Variants in IGSF3 observed in about 807,000 individuals in gnomAD.
IGSF3 encodes the protein glu-Trp-Ile EWI motif-containing protein 3.
A neutral mutation model predicts 114.4 loss-of-function variants in IGSF3; 23 were observed. That is an observed-to-expected ratio of 0.20 (90% confidence interval 0.14 to 0.28). The LOEUF is 0.28. Ranked by LOEUF, IGSF3 falls within the 10% of genes least tolerant of loss-of-function variation. The probability of loss-of-function intolerance (pLI) is 1.00; values close to 1 mark genes in which losing one functional copy is unlikely to be tolerated. For missense variants in IGSF3, 1,172 were observed against 1,591.5 expected (o/e 0.74, Z 4.48); for synonymous variants, 571 against 645.2 (o/e 0.88, Z 1.74).
Position 116,649,662 on chromosome 1 carries a change from T to C in IGSF3, c.43+16622A>G, listed in dbSNP as rs1024149186. Among the ~76,000 whole-genome samples, 8 of 152,174 alleles carry C rather than the reference T, an allele frequency of 5.3e-5. No individual in the cohort carries two copies. The highest frequency in any genetic ancestry group is 1.9e-4 in the African/African-American group (8 of 41,446). On this transcript the variant is annotated intron_variant, in intron 2 of 10. Coordinates refer to ENST00000369486, the MANE Select transcript of IGSF3 (RefSeq NM_001007237.3). This position sits in a 1 kb window ranked among gnomAD's most constrained non-coding sequence, Gnocchi z 4.5. ...TGTGAGTTATTCCAGTAGCTTGAACTTGTCACTGGCCTTTTACTTTCTTCC... is the reference window on the plus strand; with the variant it reads ...TGTGAGTTATTCCAGTAGCTTGAACCTGTCACTGGCCTTTTACTTTCTTCC...
rs1342622431 is a variant in IGSF3, at chr1:116,664,121, A to G, written c.43+2163T>C. On this transcript the variant is annotated intron_variant, in intron 2 of 10. Coordinates refer to ENST00000369486, the MANE Select transcript of IGSF3 (RefSeq NM_001007237.3). The surrounding 1 kb of genome is among the most constrained non-coding windows in gnomAD (Gnocchi z 4.6). Reference sequence around the variant, plus strand: ...CCATACTGAGAGCCATCAGGTGAAGAGAAAGATGAGGTTCCACCAGTGGGG... The same window carrying G: ...CCATACTGAGAGCCATCAGGTGAAGGGAAAGATGAGGTTCCACCAGTGGGG... 1.3e-5 allele frequency among the ~76,000 whole-genome samples: 2 copies of G among 152,208 alleles called. No individual in the cohort carries two copies. Among genetic ancestry groups the G allele is most frequent in the Non-Finnish European group, 1.5e-5 (1 of 68,032 alleles).
Position 116,644,434 on chromosome 1 carries a change from T to G in IGSF3, c.43+21850A>C, listed in dbSNP as rs1298976031. ...CAGCCTCTGGCAGCCGTGATGATGCTGAGGCAGTGTCCCCACTGCCCCAGT... is the reference window on the plus strand; with the variant it reads ...CAGCCTCTGGCAGCCGTGATGATGCGGAGGCAGTGTCCCCACTGCCCCAGT... On this transcript the variant is annotated intron_variant, in intron 2 of 10. Transcript: ENST00000369486. The surrounding 1 kb of genome is among the most constrained non-coding windows in gnomAD (Gnocchi z 5.6). Among the ~76,000 whole-genome samples the G allele has an allele frequency of 6.6e-6, 1 of 152,234 alleles. No individual in the cohort carries two copies. The highest frequency in any genetic ancestry group is 1.5e-5 in the Non-Finnish European group (1 of 68,038).
intron 2 of IGSF3, among the ~76,000 whole-genome samples, chr1:116,626,132 T>C (rs1296144015): frequency 6.6e-6 from 1 of 152,218 alleles, no homozygotes; most frequent in African/African-American, 2.4e-5. Flanking sequence ...TACTTAAATA[T>C]TTTAAAAATT....
rs148902576 is a variant in IGSF3 at position 116,589,473 on chromosome 1, G to A, written c.2030-369C>T. 6.0e-4 allele frequency among the ~76,000 whole-genome samples: 91 copies of A among 152,154 alleles called. No individual in the cohort carries two copies. Among genetic ancestry groups the A allele is most frequent in the African/African-American group, 2.1e-3 (87 of 41,494 alleles). On this transcript the variant is annotated intron_variant, in intron 7 of 10. Transcript: ENST00000369486. The surrounding 1 kb of genome is among the most constrained non-coding windows in gnomAD (Gnocchi z 5.7). The stretch of plus-strand genomic sequence containing the variant: ...CAGAGAGAAACAATTCCTTTTCACA[G>A]CACAAAGTCCCTTCAGGATCTGGCC...
chr1:116,617,603 T>C (rs1398235859), intron 2 of IGSF3, among the ~76,000 whole-genome samples: 1 of 152,254 alleles, frequency 6.6e-6, no homozygotes, highest in African/African-American at 2.4e-5. Flanking sequence ...ACTTATTAAC[T>C]GTGATCTTGG....
In IGSF3 at chr1:116,650,071, G is replaced by A. The variant is rs1313423286; in HGVS notation, c.43+16213C>T. Among the ~76,000 whole-genome samples, 1 of 152,126 alleles carries A rather than the reference G, an allele frequency of 6.6e-6. No homozygotes were observed. The highest frequency in any genetic ancestry group is 1.5e-5 in the Non-Finnish European group (1 of 68,038). ...CCTCTCCTTTCTGCCTTACCACAAA[G>A]CTAAGCTCTGTCTCTGAATAATGTG... On this transcript the variant is annotated intron_variant, in intron 2 of 10. Coordinates refer to ENST00000369486, the MANE Select transcript of IGSF3 (RefSeq NM_001007237.3). This position sits in a 1 kb window ranked among gnomAD's most constrained non-coding sequence, Gnocchi z 5.0.
Position 116,595,390 on chromosome 1 carries a change from A to G in IGSF3, c.2029+4551T>C, listed in dbSNP as rs916231365. ...GGAGAACCCCAGACTCCCCTGAAAGAAGGCAGAGGCCAGTCCTCTGAGGGA... is the reference window on the plus strand; with the variant it reads ...GGAGAACCCCAGACTCCCCTGAAAGGAGGCAGAGGCCAGTCCTCTGAGGGA... On this transcript the variant is annotated intron_variant, in intron 7 of 10. Coordinates refer to ENST00000369486, the MANE Select transcript of IGSF3 (RefSeq NM_001007237.3). This position sits in a 1 kb window ranked among gnomAD's most constrained non-coding sequence, Gnocchi z 4.2. Among the ~76,000 whole-genome samples, 19 of 152,184 alleles carry G rather than the reference A, an allele frequency of 1.2e-4. No individual in the cohort carries two copies. Among genetic ancestry groups the G allele is most frequent in the African/African-American group, 4.1e-4 (17 of 41,446 alleles).
At position 116,650,228 on chromosome 1, in the gene IGSF3, AATGT is replaced by A. The variant is rs1648573064; in HGVS notation, c.43+16052_43+16055del. Among the ~76,000 whole-genome samples, 1 of 152,150 alleles carries A rather than the reference AATGT, an allele frequency of 6.6e-6. No homozygotes were observed. Among genetic ancestry groups the A allele is most frequent in the African/African-American group, 2.4e-5 (1 of 41,432 alleles). ...CAACTGGCTTCAACAGTGAGGACAA[AATGT>A]ATGGAGATTGGACTGTTCAGTCTTC... On this transcript the variant is annotated intron_variant, in intron 2 of 10. Transcript: ENST00000369486. This position sits in a 1 kb window ranked among gnomAD's most constrained non-coding sequence, Gnocchi z 5.0.
rs960282432 is a variant in IGSF3, at chr1:116,662,505, A to G, written c.43+3779T>C. Reference sequence around the variant, plus strand: ...GGTCACAGTAAGGGCTAGAGTTAGGAGAGCTGGTATTACTGCCATTATGGA... The same window carrying G: ...GGTCACAGTAAGGGCTAGAGTTAGGGGAGCTGGTATTACTGCCATTATGGA... On this transcript the variant is annotated intron_variant, in intron 2 of 10. Transcript: ENST00000369486. This position sits in a 1 kb window ranked among gnomAD's most constrained non-coding sequence, Gnocchi z 4.3. 6.6e-6 allele frequency among the ~76,000 whole-genome samples: 1 copy of G among 152,214 alleles called. No individual in the cohort carries two copies. Among genetic ancestry groups the G allele is most frequent in the African/African-American group, 2.4e-5 (1 of 41,450 alleles).
Position 116,577,071 on chromosome 1 carries a change from CA to C in IGSF3, c.*240del. On this transcript the variant is annotated 3_prime_UTR_variant, in exon 11 of 11. Transcript: ENST00000369486. This position sits in a 1 kb window ranked among gnomAD's most constrained non-coding sequence, Gnocchi z 5.7. ...GAGCTACTCACTACATTACTAAAAA[CA>C]GAAACAAGAAATCTATAATGGCAGG... is the stretch of plus-strand genomic sequence containing the variant. 3.9e-6 allele frequency: 2 copies of C among 513,794 alleles called. No individual in the cohort carries two copies. Among genetic ancestry groups the C allele is most frequent in the Non-Finnish European group, 7.0e-6 (2 of 287,094 alleles). The allele number at this position is 513,794 out of a possible 1,614,324, so 31.8% of individuals were successfully genotyped here.
chr1:116,617,583 T>C (rs1015554211), intron 2 of IGSF3, among the ~76,000 whole-genome samples: 1 of 152,254 alleles, frequency 6.6e-6, no homozygotes, highest in Non-Finnish European at 1.5e-5. Flanking sequence ...GTTCCGATGC[T>C]GGCTTTGTCA....
intron 2 of IGSF3, among the ~76,000 whole-genome samples, chr1:116,635,458 C>T (rs547847678): frequency 1.3e-5 from 2 of 152,292 alleles, no homozygotes; most frequent in South Asian, 4.2e-4. Flanking sequence ...CTTCTTCACC[C>T]ACCCTAACCT....
intron 4 of IGSF3, 106 bp from the exon 5 acceptor site, chr1:116,608,437 T>G: frequency 2.3e-6 from 2 of 858,078 alleles, no homozygotes; most frequent in Non-Finnish European, 3.6e-6. Context: ...TTTACAATAC[T>G]AACTGCGGGG....
chr1:116,589,073 C>A lies in IGSF3; in HGVS notation c.2061G>T (p.Arg687Ser). 1.2e-6 allele frequency: 2 copies of A among 1,613,956 alleles called. No homozygotes were observed. Among genetic ancestry groups the A allele is most frequent in the Non-Finnish European group, 1.7e-6 (2 of 1,179,884 alleles). Residue 687 changes from arginine to serine, a missense_variant, in exon 8 of 11, where the codon AGG (arginine) becomes AGT (serine). Coordinates refer to ENST00000369486, the MANE Select transcript of IGSF3 (RefSeq NM_001007237.3). This position sits in a 1 kb window ranked among gnomAD's most constrained non-coding sequence, Gnocchi z 5.7. ...VTKLQVSKSK[R>S]TLTLVENKPI... ...GCTTGTTTTCCACCAGGGTGAGGGT[C>A]CTCTTCGATTTGCTCACCTGCAGCT...
chr1:116,628,979 A>G lies in IGSF3; in HGVS notation c.44-12522T>C, dbSNP rs1647430299. Among the ~76,000 whole-genome samples the G allele has an allele frequency of 6.6e-6, 1 of 152,232 alleles. No homozygotes were observed. Among genetic ancestry groups the G allele is most frequent in the Admixed American group, 6.5e-5 (1 of 15,280 alleles). ...AGAGACTAATTCTGCAGCAGCCCAGAGAAGACAACTGGGAAACAGGGCCCT... is the reference window on the plus strand; with the variant it reads ...AGAGACTAATTCTGCAGCAGCCCAGGGAAGACAACTGGGAAACAGGGCCCT... On this transcript the variant is annotated intron_variant, in intron 2 of 10. Transcript: ENST00000369486. This position sits in a 1 kb window ranked among gnomAD's most constrained non-coding sequence, Gnocchi z 4.2.
chr1:116,643,834 T>C (rs899622625), intron 2 of IGSF3, among the ~76,000 whole-genome samples: 2 of 152,168 alleles, frequency 1.3e-5, no homozygotes, highest in Non-Finnish European at 2.9e-5. Flanking sequence ...AGGTGACTGA[T>C]GAAAGGTCAT....
chr1:116,606,953 GAAGAA>G (rs1217111589), intron 5 of IGSF3, among the ~76,000 whole-genome samples: 3 of 152,190 alleles, frequency 2.0e-5, no homozygotes, highest in Admixed American at 6.5e-5. Context: ...GATGAGAAAA[GAAGAA>G]AAGACTGACA....
At chr1:116,663,263 T>C (rs1649187058) in intron 2 of IGSF3, among the ~76,000 whole-genome samples, 1 of 152,180 alleles carries the variant, frequency 6.6e-6, no homozygotes, top group South Asian at 2.1e-4. Context: ...TCCTATGCTC[T>C]CTTTCCCACA....
At chr1:116,643,706 C>G (rs917092745) in intron 2 of IGSF3, among the ~76,000 whole-genome samples, 2 of 152,200 alleles carry the variant, frequency 1.3e-5, no homozygotes, top group African/African-American at 4.8e-5. Context: ...TCTACGGGCA[C>G]GTCTTGTGTT....
Sources: allele counts gnomAD v4.1 joint callset (sites outside exome capture counted in the v4.1 genomes callset), GRCh38; gene constraint gnomAD v4.1.1; non-coding constraint Gnocchi (gnomAD v3.1); transcripts MANE v1.5; gene names NCBI Gene and HGNC (gene_info 2026-07-23, HGNC 2026-07-21).